Variants in PHKA1 observed in about 807,000 individuals in gnomAD.
PHKA1 encodes phosphorylase kinase regulatory subunit alpha 1, also known as phosphorylase b kinase regulatory subunit alpha, skeletal muscle isoform.
Under a neutral mutation model 110.2 loss-of-function variants are expected in PHKA1, and 60 were observed. The ratio of observed to expected loss-of-function variants is 0.54; its 90% CI spans 0.44 to 0.68. The LOEUF is 0.68. PHKA1 is among the 30% of genes least tolerant of loss of function. The pLI, the probability that PHKA1 is intolerant of heterozygous loss-of-function variation, is 0.00. For synonymous variants in PHKA1, 316 were observed against 333.6 expected (o/e 0.95, Z 0.58); for missense variants, 801 against 942.5 (o/e 0.85, Z 1.97).
intron 29 of PHKA1, among the ~76,000 whole-genome samples, chrX:72,584,721 G>A (rs1331679010): frequency 9.3e-6 from 1 of 107,676 alleles, no homozygotes; most frequent in Non-Finnish European, 1.9e-5. Context: ...ATTTTAGTGA[G>A]CAAAAGTTTT....
chrX:72,623,132 T>C lies in PHKA1; in HGVS notation c.1937A>G (p.Asn646Ser), dbSNP rs1156748824. The change falls in exon 18 of 32, where the codon AAT becomes AGT. Residue 646 changes from asparagine to serine, a missense_variant. Transcript: ENST00000373542. Reference protein sequence around the residue: ...YDYLESGNWMNDYDSTSHARC... With the variant: ...YDYLESGNWMSDYDSTSHARC... ...ACCATGACTGGTTGAATCATAATCA[T>C]TCATCCAGTTGCCAGATTCCAGGTA... 1.3e-5 allele frequency: 16 copies of C among 1,211,350 alleles called. No individual in the cohort carries two copies. Among genetic ancestry groups the C allele is most frequent in the Non-Finnish European group, 1.8e-5 (16 of 895,274 alleles).
intron 29 of PHKA1, among the ~76,000 whole-genome samples, chrX:72,584,622 C>G (rs1478163395): frequency 9.0e-6 from 1 of 111,630 alleles, no homozygotes; most frequent in Non-Finnish European, 1.9e-5. Flanking sequence ...AGATATCATA[C>G]TAGGTCGCAC....
chrX:72,704,765 ATT>A (rs1556331591), intron 3 of PHKA1, among the ~76,000 whole-genome samples: 1 of 111,087 alleles, frequency 9.0e-6, no homozygotes, highest in Admixed American at 9.6e-5. Flanking sequence ...TAATTTTTAT[ATT>A]TTTTGTAGAG....
intron 29 of PHKA1, among the ~76,000 whole-genome samples, chrX:72,591,581 C>A (rs1482553072): frequency 2.7e-5 from 3 of 110,353 alleles, no homozygotes; most frequent in African/African-American, 9.9e-5. Context: ...GAAAAAAAAA[C>A]CTTTACAGAA....
rs782474507 is a variant in PHKA1 at position 72,670,419 on chromosome X, C to T, written c.619-2946G>A. ...TCAATTTTGGCTTTTGTTGCCATTG[C>T]TTTTGGTGTTTTAGACGTGAAGGAT... On this transcript the variant is annotated intron_variant, in intron 6 of 31. Transcript: ENST00000373542. Among the ~76,000 whole-genome samples, 3 of 111,676 alleles carry T rather than the reference C, an allele frequency of 2.7e-5. No homozygotes were observed. In the South Asian group the frequency reaches 1.1e-3, roughly 42 times the overall value.
chrX:72,656,486 T>A (rs1245692850), intron 9 of PHKA1, among the ~76,000 whole-genome samples: 1 of 112,289 alleles, frequency 8.9e-6, no homozygotes, highest in African/African-American at 3.2e-5. Context: ...GCAATAAAGT[T>A]CAGTTTGGTT....
At chrX:72,621,102 A>C (rs1036931919) in intron 18 of PHKA1, among the ~76,000 whole-genome samples, 2 of 111,466 alleles carry the variant, frequency 1.8e-5, no homozygotes, top group Admixed American at 9.5e-5. Context: ...ATGGCCATTT[A>C]CTAGGATCCA....
At chrX:72,669,207 C>T (rs2053649175) in intron 6 of PHKA1, among the ~76,000 whole-genome samples, 1 of 110,853 alleles carries the variant, frequency 9.0e-6, no homozygotes, top group Admixed American at 9.6e-5. Context: ...TCTGGCATCC[C>T]AGTGGTGGTC....
At position 72,595,769 on chromosome X, in the gene PHKA1, G is replaced by A. The variant is rs148580622; in HGVS notation, c.3073-2495C>T. Among the ~76,000 whole-genome samples, 360 of 111,604 alleles carry A rather than the reference G, an allele frequency of 3.2e-3. 1 individual carries two copies. Among genetic ancestry groups the A allele is most frequent in the African/African-American group, 0.011 (347 of 30,749 alleles). The stretch of plus-strand genomic sequence containing the variant: ...TCACCTCACACCTGTTAGGATGACC[G>A]TGGTTAAAAAAACACCCAAAGATAA... On this transcript the variant is annotated intron_variant, in intron 28 of 31. Coordinates refer to ENST00000373542, the MANE Select transcript of PHKA1 (RefSeq NM_002637.4).
chrX:72,655,789 A>T (rs782278493), intron 10 of PHKA1, among the ~76,000 whole-genome samples: 37 of 111,433 alleles, frequency 3.3e-4, no homozygotes, highest in African/African-American at 1.1e-3. Context: ...CGCCCAGCTA[A>T]TTTTTTGTAT....
At position 72,697,328 on chromosome X, in the gene PHKA1, T is replaced by C. The variant is rs533394541; in HGVS notation, c.286-1452A>G. The C allele has an allele frequency of 2.7e-5, 3 of 111,653 alleles. No homozygotes were observed. The Admixed American group carries it at 2.9e-4, about 11-fold the overall frequency. 9.2% of individuals were successfully genotyped at this position (111,653 alleles called of 1,213,427 possible). A position where few individuals can be genotyped will look rare whatever the true frequency, so the allele number is the denominator to read the frequency against. ...AGAAATCATAGAATTTGTGTGATGA[T>C]TGTTAGTTTAGCAGCATTTTGTCCT... On this transcript the variant is annotated intron_variant, in intron 3 of 31. Transcript: ENST00000373542.
intron 6 of PHKA1, among the ~76,000 whole-genome samples, chrX:72,670,503 G>A (rs1282472541): frequency 8.9e-6 from 1 of 111,800 alleles, no homozygotes; most frequent in Non-Finnish European, 1.9e-5. Context: ...TTCTACCAGA[G>A]GTACAAAGAG....
At chrX:72,675,206 T>C (rs912583577) in intron 6 of PHKA1, among the ~76,000 whole-genome samples, 2 of 104,138 alleles carry the variant, frequency 1.9e-5, no homozygotes, top group Non-Finnish European at 3.9e-5. Flanking sequence ...ATAATAATAA[T>C]AATAAATAAA....
chrX:72,671,933 A>G (rs1032812875), intron 6 of PHKA1, among the ~76,000 whole-genome samples: 2 of 112,139 alleles, frequency 1.8e-5, no homozygotes, highest in Non-Finnish European at 3.8e-5. Context: ...TACAAAAATT[A>G]ATTCAAAATG....
intron 23 of PHKA1, among the ~76,000 whole-genome samples, chrX:72,608,921 C>T (rs1178758542): frequency 1.8e-5 from 2 of 112,108 alleles, no homozygotes; most frequent in Non-Finnish European, 3.8e-5. Context: ...AAGTTAGAAT[C>T]TCTCTAAAAA....
chrX:72,589,796 C>T (rs782564065), intron 29 of PHKA1, among the ~76,000 whole-genome samples: 1 of 107,107 alleles, frequency 9.3e-6, no homozygotes, highest in South Asian at 4.5e-4. Context: ...AAACAGAGAT[C>T]CAAATCATGA....
intron 6 of PHKA1, among the ~76,000 whole-genome samples, chrX:72,669,882 T>C (rs2053664881): frequency 9.0e-6 from 1 of 110,864 alleles, no homozygotes; most frequent in African/African-American, 3.3e-5. Flanking sequence ...TTATAATCCT[T>C]TGGGTATATA....
chrX:72,632,635 T>C (rs915331622), intron 16 of PHKA1, among the ~76,000 whole-genome samples: 5 of 111,814 alleles, frequency 4.5e-5, no homozygotes, highest in Non-Finnish European at 9.4e-5. Flanking sequence ...GGAATCTTTG[T>C]CTGTAATATG....
chrX:72,626,728 A>G lies in PHKA1; in HGVS notation c.1793+243T>C, dbSNP rs137920843. ...AAAATAATAATGAAATAGAACAATT[A>G]TAACAATATACTATAATAAAAGTTA... is the stretch of plus-strand genomic sequence containing the variant. On this transcript the variant is annotated intron_variant, in intron 17 of 31. Transcript: ENST00000373542. 3.1e-3 allele frequency among the ~76,000 whole-genome samples: 346 copies of G among 111,921 alleles called. 2 individuals are homozygous for G. The highest frequency in any genetic ancestry group is 0.01 in the African/African-American group (320 of 30,698).
Sources: gnomAD v4.1 joint callset for allele counts (sites outside exome capture counted in the v4.1 genomes callset) on GRCh38, gnomAD v4.1.1 for gene constraint, MANE v1.5 for transcripts, NCBI Gene and HGNC (gene_info 2026-07-23, HGNC 2026-07-21) for gene names.